CHCHD3: variants seen among roughly 807,000 people sequenced by gnomAD.
CHCHD3 encodes the protein MICOS complex subunit MIC19.
In CHCHD3, 20 loss-of-function variants were observed where a neutral mutation model predicts 38.2. The ratio of observed to expected loss-of-function variants is 0.52; its 90% CI spans 0.37 to 0.76. The LOEUF is 0.76. Among genes scored for constraint, CHCHD3 ranks in the 30% least tolerant of loss-of-function variants. The probability of loss-of-function intolerance (pLI) is 0.00; values close to 1 mark genes in which losing one functional copy is unlikely to be tolerated. For synonymous variants in CHCHD3, 82 were observed against 100.0 expected (o/e 0.82, Z 1.07); for missense variants, 245 against 279.2 (o/e 0.88, Z 0.87).
chr7:132,817,131 A>G (rs1304613384), intron 6 of CHCHD3, among the ~76,000 whole-genome samples: 1 of 152,150 alleles, frequency 6.6e-6, no homozygotes, highest in Non-Finnish European at 1.5e-5. Context: ...AGCTCTAAAG[A>G]AAAGGGCAGC....
intron 3 of CHCHD3, among the ~76,000 whole-genome samples, chr7:133,007,246 T>C (rs1454391857): frequency 6.6e-6 from 1 of 152,082 alleles, no homozygotes; most frequent in African/African-American, 2.4e-5. Flanking sequence ...GAATTGACAA[T>C]GGCACAAGGT....
intron 4 of CHCHD3, among the ~76,000 whole-genome samples, chr7:132,950,093 AT>A (rs1409310456): frequency 2.0e-5 from 3 of 152,222 alleles, no homozygotes; most frequent in African/African-American, 4.8e-5. Flanking sequence ...CTTAGTAAAT[AT>A]AACTATTATT....
intron 6 of CHCHD3, among the ~76,000 whole-genome samples, chr7:132,831,973 G>A (rs1057246949): frequency 2.0e-5 from 3 of 151,824 alleles, no homozygotes; most frequent in South Asian, 2.1e-4. Flanking sequence ...TGTCTTCCTC[G>A]GCTTCACCAA....
intron 3 of CHCHD3, among the ~76,000 whole-genome samples, chr7:133,016,742 C>T (rs1350909102): frequency 2.0e-5 from 3 of 152,136 alleles, no homozygotes; most frequent in African/African-American, 7.2e-5. Flanking sequence ...GAATATTCTC[C>T]AGTATTTCCA....
intron 6 of CHCHD3, among the ~76,000 whole-genome samples, chr7:132,829,499 G>A (rs1807586953): frequency 6.6e-6 from 1 of 152,174 alleles, no homozygotes. Context: ...CATGAATCCA[G>A]GAGTGTATGG....
chr7:132,895,364 G>A (rs1809467442), intron 4 of CHCHD3, among the ~76,000 whole-genome samples: 1 of 152,192 alleles, frequency 6.6e-6, no homozygotes, highest in Non-Finnish European at 1.5e-5. Flanking sequence ...AGTACTCGTG[G>A]CCTCTAATCC....
chr7:133,036,435 C>T (rs1016886786), intron 2 of CHCHD3, among the ~76,000 whole-genome samples: 6 of 152,218 alleles, frequency 3.9e-5, no homozygotes, highest in South Asian at 2.1e-4. Context: ...AAGAATGTTA[C>T]GACATGTTAC....
intron 5 of CHCHD3, 35 bp downstream of exon 5, chr7:132,885,627 G>A: frequency 2.1e-6 from 3 of 1,426,360 alleles, no homozygotes; most frequent in Non-Finnish European, 1.9e-6. Context: ...AACAGCAGAT[G>A]TGGTAATAGA....
chr7:132,955,849 G>A (rs934877413), intron 4 of CHCHD3, among the ~76,000 whole-genome samples: 4 of 152,182 alleles, frequency 2.6e-5, no homozygotes, highest in African/African-American at 9.7e-5. Flanking sequence ...AGGATAAGGA[G>A]CTGACTGAAT....
chr7:133,030,764 A>G (rs1420761581), intron 2 of CHCHD3, among the ~76,000 whole-genome samples: 4 of 152,218 alleles, frequency 2.6e-5, no homozygotes, highest in African/African-American at 9.6e-5. Context: ...AATGTATCTT[A>G]AAGAACACAA....
chr7:132,882,782 T>C lies in CHCHD3; in HGVS notation c.453+2880A>G, dbSNP rs141802037. Among the ~76,000 whole-genome samples, 1,004 of 152,192 alleles carry C rather than the reference T, an allele frequency of 6.6e-3. 11 individuals carry two copies. Among genetic ancestry groups the C allele is most frequent in the African/African-American group, 0.022 (931 of 41,530 alleles). ...AACCTGATGACAAAGAAAACTGTCA[T>C]TGGGTGAGGAAAAGCAGGTGCCAAG... On this transcript the variant is annotated intron_variant, in intron 5 of 7. Transcript: ENST00000262570.
chr7:133,014,921 G>T (rs919620283), intron 3 of CHCHD3, among the ~76,000 whole-genome samples: 5 of 152,176 alleles, frequency 3.3e-5, no homozygotes, highest in African/African-American at 1.2e-4. Flanking sequence ...CAGGGCACCA[G>T]CTGCTTCCAC....
chr7:133,048,562 T>C (rs947896651), intron 2 of CHCHD3, among the ~76,000 whole-genome samples: 1 of 152,188 alleles, frequency 6.6e-6, no homozygotes, highest in Non-Finnish European at 1.5e-5. Flanking sequence ...GCAGGGATCA[T>C]AGCAGCTAGT....
At chr7:133,041,781 CCTGTCCTGG>C (rs1294585655) in intron 2 of CHCHD3, among the ~76,000 whole-genome samples, 3 of 152,196 alleles carry the variant, frequency 2.0e-5, no homozygotes, top group Non-Finnish European at 2.9e-5. Context: ...TTTAGAACAC[CCTGTCCTGG>C]CTGTCCCCAT....
At chr7:132,962,494 G>A (rs371992852) in intron 4 of CHCHD3, among the ~76,000 whole-genome samples, 8 of 152,154 alleles carry the variant, frequency 5.3e-5, no homozygotes, top group South Asian at 2.1e-4. Context: ...GTACCTGGAC[G>A]GGAAGGGCAG....
At chr7:132,821,849 G>A (rs1186842992) in intron 6 of CHCHD3, among the ~76,000 whole-genome samples, 7 of 138,506 alleles carry the variant, frequency 5.1e-5, no homozygotes, top group Admixed American at 8.1e-5. Context: ...TGCAAGCTCC[G>A]CTTCCCGGGT....
In CHCHD3 at chr7:133,059,979, AAAAC is replaced by A; in HGVS notation, c.169+10159_169+10162del. ...TTCAAAGGCTCATAATCAAATGGGA[AAAAC>A]AGACAAGTAAACATGTAATTGTAAC... On this transcript the variant is annotated intron_variant, in intron 2 of 7. Coordinates refer to ENST00000262570, the MANE Select transcript of CHCHD3 (RefSeq NM_017812.4). Among the ~76,000 whole-genome samples the A allele has an allele frequency of 2.6e-5, 4 of 152,366 alleles. No homozygotes were observed. In the South Asian group the frequency reaches 8.3e-4, roughly 32 times the overall value.
At chr7:133,000,153 C>T (rs1007486972) in intron 3 of CHCHD3, among the ~76,000 whole-genome samples, 18 of 152,118 alleles carry the variant, frequency 1.2e-4, no homozygotes, top group African/African-American at 4.1e-4. Context: ...TAATACTCTT[C>T]GTTCAATATG....
intron 3 of CHCHD3, among the ~76,000 whole-genome samples, chr7:133,012,355 G>C (rs182919347): frequency 1.2e-3 from 190 of 152,150 alleles, no homozygotes; most frequent in Non-Finnish European, 1.0e-3. Context: ...ATAGTCATGT[G>C]AGTTAAAAAA....
Sources: allele counts gnomAD v4.1 joint callset (sites outside exome capture counted in the v4.1 genomes callset), GRCh38; gene constraint gnomAD v4.1.1; transcripts MANE v1.5; gene names NCBI Gene and HGNC (gene_info 2026-07-23, HGNC 2026-07-21).